DYM: variants seen among roughly 807,000 people sequenced by gnomAD.
DYM encodes dyggve-Melchior-Clausen syndrome protein.
Under a neutral mutation model 93.1 loss-of-function variants are expected in DYM, and 78 were observed. That is an observed-to-expected ratio of 0.84 (90% CI 0.70 to 1.01). The LOEUF is 1.01. DYM is among the 50% of genes least tolerant of loss of function. DYM has a pLI of 0.00. For missense variants in DYM, 789 were observed against 845.0 expected, an observed-to-expected ratio of 0.93 and a Z score of 0.82; for synonymous variants, 321 against 319.7, an observed-to-expected ratio of 1.00 and a Z score of -0.04.
At chr18:49,417,800 CGTG>C (rs2073160527) in intron 2 of DYM, 2 of 152,140 alleles carry the variant, frequency 1.3e-5, no homozygotes, top group South Asian at 4.1e-4. Context: ...TCTGGCTGGG[CGTG>C]TAATCTCAGC....
chr18:49,156,307 G>T (rs1347433809), intron 15 of DYM, among the ~76,000 whole-genome samples: 1 of 152,128 alleles, frequency 6.6e-6, no homozygotes, highest in Non-Finnish European at 1.5e-5. Context: ...AGAGGATCCA[G>T]GGATCCAGAA....
At chr18:49,199,674 A>C (rs1030931684) in intron 14 of DYM, among the ~76,000 whole-genome samples, 3 of 152,258 alleles carry the variant, frequency 2.0e-5, no homozygotes, top group African/African-American at 7.2e-5. Context: ...TGCATGAAAA[A>C]TTATTACTAT....
chr18:49,392,336 A>G (rs1376913779), intron 2 of DYM, among the ~76,000 whole-genome samples: 1 of 152,206 alleles, frequency 6.6e-6, no homozygotes, highest in Non-Finnish European at 1.5e-5. Flanking sequence ...AACAGAAAAA[A>G]ACAGACATGC....
intron 14 of DYM, among the ~76,000 whole-genome samples, chr18:49,167,484 A>T (rs1463282228): frequency 6.6e-6 from 1 of 152,178 alleles, no homozygotes; most frequent in Non-Finnish European, 1.5e-5. Context: ...ACAATTTAAC[A>T]GGCATTTTAC....
intron 4 of DYM, among the ~76,000 whole-genome samples, chr18:49,379,173 T>G (rs1009582621): frequency 4.6e-5 from 7 of 152,180 alleles, no homozygotes; most frequent in African/African-American, 1.7e-4. Context: ...TTCAATGTAA[T>G]TTGTTTATAA....
chr18:49,345,388 T>C (rs888479373), intron 6 of DYM, among the ~76,000 whole-genome samples: 2 of 152,166 alleles, frequency 1.3e-5, no homozygotes, highest in Non-Finnish European at 2.9e-5. Context: ...TTTGGGGGAC[T>C]ACTGACAACC....
chr18:49,059,643 G>A (rs779709712), intron 17 of DYM, among the ~76,000 whole-genome samples: 2 of 152,182 alleles, frequency 1.3e-5, no homozygotes, highest in African/African-American at 2.4e-5. Context: ...GGCCCAGGTG[G>A]CTGCTACACA....
At chr18:49,407,543 A>G (rs2148138457) in intron 2 of DYM, among the ~76,000 whole-genome samples, 1 of 152,322 alleles carries the variant, frequency 6.6e-6, no homozygotes, top group Middle Eastern at 3.4e-3. Flanking sequence ...AGAAGAAGCA[A>G]GAGAGAGAAA....
chr18:49,103,910 C>T (rs1342105926), intron 16 of DYM, among the ~76,000 whole-genome samples: 2 of 150,552 alleles, frequency 1.3e-5, no homozygotes, highest in East Asian at 3.9e-4. Context: ...TTTTTGGTTC[C>T]ATATGAACTT....
intron 2 of DYM, among the ~76,000 whole-genome samples, chr18:49,422,842 G>T (rs960594532): frequency 6.6e-6 from 1 of 152,072 alleles, no homozygotes; most frequent in Non-Finnish European, 1.5e-5. Context: ...AACAAGAAAA[G>T]CTAACTATCC....
intron 3 of DYM, among the ~76,000 whole-genome samples, chr18:49,384,777 A>G (rs1448671856): frequency 6.6e-6 from 1 of 152,116 alleles, no homozygotes; most frequent in Non-Finnish European, 1.5e-5. Flanking sequence ...CATTGAAATC[A>G]ATCATACAAA....
At chr18:49,137,978 C>T (rs2084035291) in intron 15 of DYM, among the ~76,000 whole-genome samples, 1 of 152,112 alleles carries the variant, frequency 6.6e-6, no homozygotes, top group South Asian at 2.1e-4. Context: ...GTTAGGTGAA[C>T]AAGAAATCTC....
intron 14 of DYM, among the ~76,000 whole-genome samples, chr18:49,206,137 T>A (rs975629419): frequency 1.3e-5 from 2 of 151,834 alleles, no homozygotes; most frequent in Admixed American, 1.3e-4. Flanking sequence ...TAGCTGGGAC[T>A]ACAAGCGTGT....
At chr18:49,202,575 T>C (rs2092100228) in intron 14 of DYM, among the ~76,000 whole-genome samples, 3 of 125,168 alleles carry the variant, frequency 2.4e-5, no homozygotes, top group Admixed American at 8.0e-5. Flanking sequence ...CGCCATCACA[T>C]CTAGGAAGTG....
intron 8 of DYM, among the ~76,000 whole-genome samples, chr18:49,306,224 G>T (rs1281722251): frequency 6.6e-6 from 1 of 152,174 alleles, no homozygotes; most frequent in East Asian, 1.9e-4. Context: ...GTGAATAGCA[G>T]AGACATAACA....
At chr18:49,374,527 A>G (rs984663700) in intron 5 of DYM, among the ~76,000 whole-genome samples, 12 of 152,234 alleles carry the variant, frequency 7.9e-5, no homozygotes, top group African/African-American at 2.9e-4. Context: ...GTGGAGTCAA[A>G]GGGACTTTTA....
chr18:49,253,329 A>G (rs1052091276), intron 13 of DYM, among the ~76,000 whole-genome samples: 1 of 152,186 alleles, frequency 6.6e-6, no homozygotes, highest in African/African-American at 2.4e-5. Context: ...CTGGGTATCT[A>G]AACAGTTTTT....
intron 1 of DYM, among the ~76,000 whole-genome samples, chr18:49,433,754 G>A (rs1274771373): frequency 1.3e-5 from 2 of 152,058 alleles, no homozygotes; most frequent in Non-Finnish European, 2.9e-5. Flanking sequence ...CATAATCCCA[G>A]CTCCTCAGGA....
intron 6 of DYM, among the ~76,000 whole-genome samples, chr18:49,362,296 G>C (rs374902537): frequency 2.0e-5 from 3 of 152,092 alleles, no homozygotes; most frequent in Non-Finnish European, 2.9e-5. Flanking sequence ...CTGGGAGTTC[G>C]AGACCAACCT....
Sources: allele counts gnomAD v4.1 joint callset (sites outside exome capture counted in the v4.1 genomes callset), GRCh38; gene constraint gnomAD v4.1.1; transcripts MANE v1.5; gene names NCBI Gene and HGNC (gene_info 2026-07-23, HGNC 2026-07-21).